Variants in NIPAL3 observed in about 807,000 individuals in gnomAD.
NIPAL3 encodes NIPA-like protein 3.
NIPAL3 carries 41 observed loss-of-function variants against 47.2 expected under a neutral mutation model. The ratio of observed to expected loss-of-function variants is 0.87; its 90% CI spans 0.68 to 1.13. The LOEUF (loss-of-function observed/expected upper bound fraction) is 1.13, where lower values mean the gene tolerates loss of function less well. Among genes scored for constraint, NIPAL3 ranks in the 50% most tolerant of loss-of-function variants. NIPAL3 has a pLI of 0.00. For missense variants in NIPAL3, 449 were observed against 530.1 expected, an observed-to-expected ratio of 0.85 and a Z score of 1.50; for synonymous variants, 194 against 209.6, an observed-to-expected ratio of 0.93 and a Z score of 0.64.
chr1:24,457,111 C>T (rs796215853), intron 8 of NIPAL3, among the ~76,000 whole-genome samples: 14 of 152,186 alleles, frequency 9.2e-5, no homozygotes, highest in African/African-American at 2.9e-4. Context: ...CCATCTTCTC[C>T]GGGGCAGATG....
chr1:24,435,270 C>T (rs946844974), intron 2 of NIPAL3, among the ~76,000 whole-genome samples: 4 of 152,010 alleles, frequency 2.6e-5, no homozygotes, highest in Non-Finnish European at 5.9e-5. Flanking sequence ...CAAAATGGAT[C>T]GGAGAGCTAA....
At chr1:24,440,054 C>T (rs1050932386) in intron 2 of NIPAL3, 118 bp from the exon 3 acceptor site, 93 of 581,754 alleles carry the variant, frequency 1.6e-4, no homozygotes, top group Middle Eastern at 5.9e-4. Flanking sequence ...GTGGCTTTGT[C>T]ACTGATATTG....
upstream of NIPAL3, chr1:24,415,408 G>A (rs1031430380): frequency 6.8e-6 from 1 of 146,380 alleles, no homozygotes; most frequent in African/African-American, 2.5e-5. Flanking sequence ...GGGAACAGCA[G>A]GAGCAAAGCC....
chr1:24,455,179 C>T (rs546520105), intron 7 of NIPAL3, among the ~76,000 whole-genome samples: 7 of 152,276 alleles, frequency 4.6e-5, no homozygotes, highest in South Asian at 4.1e-4. Flanking sequence ...CAGCAGGGAC[C>T]GGGGGCTTCA....
At chr1:24,458,141 G>A (rs2148847080) in intron 8 of NIPAL3, among the ~76,000 whole-genome samples, 1 of 152,280 alleles carries the variant, frequency 6.6e-6, no homozygotes, top group African/African-American at 2.4e-5. Context: ...AACTAGTACA[G>A]CCAAGCTGCA....
intron 4 of NIPAL3, among the ~76,000 whole-genome samples, chr1:24,443,567 G>A (rs1302653739): frequency 6.6e-6 from 1 of 152,200 alleles, no homozygotes; most frequent in African/African-American, 2.4e-5. Context: ...AATTCTCAGT[G>A]CTTCCAACAG....
chr1:24,427,032 C>A (rs1321258958), intron 2 of NIPAL3, among the ~76,000 whole-genome samples: 1 of 152,184 alleles, frequency 6.6e-6, no homozygotes, highest in Non-Finnish European at 1.5e-5. Flanking sequence ...GAATGCTCCA[C>A]CCCTAAAATA....
intron 11 of NIPAL3, chr1:24,465,829 G>A (rs1206173488): frequency 3.1e-6 from 3 of 970,164 alleles, no homozygotes; most frequent in Non-Finnish European, 4.3e-6. Context: ...GTTATATTTG[G>A]TTTCACTTCC....
chr1:24,426,620 C>T (rs1042377062), intron 2 of NIPAL3, among the ~76,000 whole-genome samples: 1 of 152,158 alleles, frequency 6.6e-6, no homozygotes, highest in African/African-American at 2.4e-5. Flanking sequence ...CTTCCTCACC[C>T]ATAAAATACT....
At chr1:24,462,146 C>T (rs1646500058) in intron 10 of NIPAL3, among the ~76,000 whole-genome samples, 1 of 152,096 alleles carries the variant, frequency 6.6e-6, no homozygotes, top group Non-Finnish European at 1.5e-5. Context: ...GGGGGAAAAG[C>T]CCCTTATAAA....
intron 2 of NIPAL3, among the ~76,000 whole-genome samples, chr1:24,434,758 T>C (rs1245893636): frequency 6.6e-6 from 1 of 152,126 alleles, no homozygotes; most frequent in Non-Finnish European, 1.5e-5. Context: ...TGGAATGAAA[T>C]TAAAAATCAA....
At position 24,419,624 on chromosome 1, in the gene NIPAL3, C is replaced by A; in HGVS notation, c.77C>A (p.Ala26Asp). Residue 26 changes from alanine to aspartate, a missense_variant, in exon 2 of 12, where the codon GCC becomes GAC. Ala to Asp is a moderately radical substitution (Grantham distance 126). Transcript: ENST00000374399. ...PTSSSSAVSE[A>D]SFSYKENLIG... is the part of the protein sequence containing the mutation. ...AGTAGCTCCAGCGCCGTAAGCGAGG[C>A]CTCCTTCTCCTACAAGGCAAGGGCT... 1 of 1,613,962 alleles carries A rather than the reference C, an allele frequency of 6.2e-7. No individual in the cohort carries two copies. The highest frequency in any genetic ancestry group is 8.5e-7 in the Non-Finnish European group (1 of 1,179,922).
chr1:24,449,632 A>G lies in NIPAL3; in HGVS notation c.540+6A>G. ...GGCCTTTCCTTTTGTACATGGTAAG[A>G]GAAGCCTCCAGTCGTTCCCCCTGAG... On this transcript the variant is annotated splice_donor_region_variant and intron_variant, in intron 6 of 11. Transcript: ENST00000374399. This position sits in a 1 kb window ranked among gnomAD's most constrained non-coding sequence, Gnocchi z 4.5. 1 of 1,612,064 alleles carries G rather than the reference A, an allele frequency of 6.2e-7. No individual in the cohort carries two copies. Among genetic ancestry groups the G allele is most frequent in the South Asian group, 1.1e-5 (1 of 91,012 alleles).
chr1:24,424,501 C>T (rs377133460), intron 2 of NIPAL3, among the ~76,000 whole-genome samples: 22 of 152,044 alleles, frequency 1.4e-4, no homozygotes, highest in African/African-American at 4.8e-4. Context: ...GTTAATTCTG[C>T]GTGGGGATGG....
chr1:24,421,478 A>G (rs1028806254), intron 2 of NIPAL3, among the ~76,000 whole-genome samples: 1 of 152,240 alleles, frequency 6.6e-6, no homozygotes, highest in Non-Finnish European at 1.5e-5. Context: ...GTGAGAAGCG[A>G]CATTCTTAAG....
intron 9 of NIPAL3, among the ~76,000 whole-genome samples, chr1:24,459,799 G>A (rs1034251537): frequency 2.0e-5 from 3 of 152,242 alleles, no homozygotes; most frequent in Non-Finnish European, 2.9e-5. Flanking sequence ...GTCAAGAAGC[G>A]TGAAGTCCAG....
At position 24,455,828 on chromosome 1, in the gene NIPAL3, G is replaced by A. The variant is rs1646172962; in HGVS notation, c.638-310G>A. Among the ~76,000 whole-genome samples the A allele has an allele frequency of 2.6e-5, 4 of 152,164 alleles. No individual in the cohort carries two copies. In the South Asian group the frequency reaches 8.3e-4, roughly 32 times the overall value. On this transcript the variant is annotated intron_variant, in intron 7 of 11. Coordinates refer to ENST00000374399, the MANE Select transcript of NIPAL3 (RefSeq NM_020448.5). ...TTTTGGCCACAGTGCTGGGCACTCC[G>A]GGCCTCAGAGAACTGAACTTACTGC...
chr1:24,450,121 A>G (rs1645868387), intron 6 of NIPAL3, among the ~76,000 whole-genome samples: 1 of 152,206 alleles, frequency 6.6e-6, no homozygotes, highest in Non-Finnish European at 1.5e-5. Context: ...TGCCCCACAC[A>G]GTAATATCAA....
Position 24,454,679 on chromosome 1 carries a change from AC to A in NIPAL3, c.637+1180del. Reference sequence around the variant, plus strand: ...TAATCTAATTTTAGAACATTTTGTCACCCCCAAAAGAAACCCTGTGCCCATT... The same window carrying A: ...TAATCTAATTTTAGAACATTTTGTCACCCCAAAAGAAACCCTGTGCCCATT... On this transcript the variant is annotated intron_variant, in intron 7 of 11. Transcript: ENST00000374399. The surrounding 1 kb of genome is among the most constrained non-coding windows in gnomAD (Gnocchi z 4.1). 1 of 541,052 alleles carries A rather than the reference AC, an allele frequency of 1.8e-6. No individual in the cohort carries two copies. The highest frequency in any genetic ancestry group is 2.4e-6 in the Non-Finnish European group (1 of 424,274). The allele number at this position is 541,052 out of a possible 1,614,324, so 33.5% of individuals were successfully genotyped here.
Sources: allele counts gnomAD v4.1 joint callset (sites outside exome capture counted in the v4.1 genomes callset), GRCh38; gene constraint gnomAD v4.1.1; non-coding constraint Gnocchi (gnomAD v3.1); transcripts MANE v1.5; gene names NCBI Gene and HGNC (gene_info 2026-07-23, HGNC 2026-07-21).